Variants in CCDC73 observed in about 807,000 individuals in gnomAD.
CCDC73 encodes coiled-coil domain containing 73, also known as coiled-coil domain-containing protein 73.
A neutral mutation model predicts 116.5 loss-of-function variants in CCDC73; 95 were observed. That is an observed-to-expected ratio of 0.82 (90% CI 0.69 to 0.97). The LOEUF (loss-of-function observed/expected upper bound fraction) is 0.97. CCDC73 is among the 50% of genes least tolerant of loss of function. The pLI is 0.00. For missense variants in CCDC73, 1,066 were observed against 1,206.8 expected (o/e 0.88, Z 1.73); for synonymous variants, 398 against 401.3 (o/e 0.99, Z 0.10).
chr11:32,621,805 C>T (rs1455695149), intron 14 of CCDC73, among the ~76,000 whole-genome samples: 3 of 149,960 alleles, frequency 2.0e-5, no homozygotes, highest in South Asian at 2.3e-4. Context: ...GGAACTTAAA[C>T]AAATTTACAA....
At chr11:32,667,793 C>T (rs1856000345) in intron 9 of CCDC73, among the ~76,000 whole-genome samples, 1 of 152,170 alleles carries the variant, frequency 6.6e-6, no homozygotes, top group African/African-American at 2.4e-5. Flanking sequence ...CCTATTCAGC[C>T]ATCTTGGAAC....
At chr11:32,786,383 A>T (rs1461705060) in intron 1 of CCDC73, among the ~76,000 whole-genome samples, 1 of 58,874 alleles carries the variant, frequency 1.7e-5, no homozygotes, top group Non-Finnish European at 3.7e-5. Flanking sequence ...TAAATATATT[A>T]TTTATATAAT....
chr11:32,675,706 A>G, intron 8 of CCDC73, 62 bp from the exon 9 acceptor site: 1 of 1,373,884 alleles, frequency 7.3e-7, no homozygotes, highest in Admixed American at 2.2e-5. Context: ...AGAAAGTATC[A>G]TTAAGATAAA....
chr11:32,618,609 G>A (rs528908447), intron 14 of CCDC73, among the ~76,000 whole-genome samples: 2 of 152,164 alleles, frequency 1.3e-5, no homozygotes, highest in Non-Finnish European at 2.9e-5. Context: ...CTGGAGTGCA[G>A]TGATGCAATC....
At chr11:32,682,128 A>G (rs1856151166) in intron 7 of CCDC73, 1 of 151,728 alleles carries the variant, frequency 6.6e-6, no homozygotes, top group African/African-American at 2.4e-5. Context: ...TTTTTTAAAG[A>G]TTGTAAGTAT....
At chr11:32,703,149 CA>C (rs1023578819) in intron 3 of CCDC73, among the ~76,000 whole-genome samples, 2 of 152,080 alleles carry the variant, frequency 1.3e-5, no homozygotes, top group Non-Finnish European at 2.9e-5. Context: ...TGCAGTGGCA[CA>C]ATCACAGCAC....
chr11:32,633,257 C>T (rs1855648166), intron 14 of CCDC73, among the ~76,000 whole-genome samples: 2 of 151,736 alleles, frequency 1.3e-5, no homozygotes, highest in Non-Finnish European at 2.9e-5. Flanking sequence ...CTCAAATGAT[C>T]AAGACAAACA....
chr11:32,798,892 C>T (rs1267849031), upstream of CCDC73, among the ~76,000 whole-genome samples: 2 of 137,906 alleles, frequency 1.5e-5, no homozygotes, highest in African/African-American at 5.4e-5. Flanking sequence ...TTGGTTTTTG[C>T]GTTTTTGTTT....
rs761769898 is a variant in CCDC73 at position 32,613,792 on chromosome 11, A to G, written c.2526T>C (p.Asn842=). 2.5e-6 allele frequency: 4 copies of G among 1,613,792 alleles called. No individual in the cohort carries two copies. The highest frequency in any genetic ancestry group is 3.4e-6 in the Non-Finnish European group (4 of 1,179,930). Residue 842 remains asparagine, a synonymous_variant, in exon 16 of 18, where the codon AAT becomes AAC. Transcript: ENST00000335185. ...CATTTAATGATTCTGTTTTCTCTGT[A>G]TTATTTAACAATGTATGCTGTCTTT... ...INERQHTLLN[N]TEKTESLNDI...
At chr11:32,732,662 C>A (rs1455354746) in intron 2 of CCDC73, among the ~76,000 whole-genome samples, 1 of 152,082 alleles carries the variant, frequency 6.6e-6, no homozygotes, top group Non-Finnish European at 1.5e-5. Context: ...CATATCCAGC[C>A]AAACTAAACT....
chr11:32,767,267 T>C (rs988537652), intron 1 of CCDC73, among the ~76,000 whole-genome samples: 25 of 152,168 alleles, frequency 1.6e-4, no homozygotes, highest in Admixed American at 7.9e-4. Context: ...TGGCTAGCCA[T>C]ATGTAGAAAA....
intron 2 of CCDC73, among the ~76,000 whole-genome samples, chr11:32,733,211 A>G (rs1173621881): frequency 6.6e-6 from 1 of 152,256 alleles, no homozygotes; most frequent in Non-Finnish European, 1.5e-5. Context: ...TTCAACAAGA[A>G]GAGCTAACTA....
In CCDC73 at chr11:32,637,022, T is replaced by TTC. The variant is rs1024815066; in HGVS notation, c.1051-1193_1051-1192insGA. Among the ~76,000 whole-genome samples the TTC allele has an allele frequency of 4.3e-5, 6 of 139,330 alleles. No individual in the cohort carries two copies. The East Asian group carries it at 5.9e-4, about 14-fold the overall frequency. The allele number at this position is 139,330 out of a possible 152,430, so 91.4% of individuals were successfully genotyped here. A position where few individuals can be genotyped will look rare whatever the true frequency, so the allele number is the denominator to read the frequency against. On this transcript the variant is annotated intron_variant, in intron 13 of 17. Transcript: ENST00000335185. ...CTGTTTCACTTTTTCTTTTTCTTTT[T>TTC]TTTTTTTTTTTTTTTGAGAAGGAGT...
At chr11:32,656,538 T>C (rs1458768115) in intron 9 of CCDC73, among the ~76,000 whole-genome samples, 2 of 152,272 alleles carry the variant, frequency 1.3e-5, no homozygotes, top group East Asian at 1.9e-4. Context: ...AATCCATCTG[T>C]TGGTAGATAG....
chr11:32,711,887 G>A (rs896536514), intron 3 of CCDC73, among the ~76,000 whole-genome samples: 1 of 152,154 alleles, frequency 6.6e-6, no homozygotes. Context: ...CACCATGGGA[G>A]TCATCAGGGT....
In CCDC73 at chr11:32,635,715, T is replaced by G; in HGVS notation, c.1166A>C (p.Glu389Ala). The change falls in exon 14 of 18, where the codon GAG (glutamate) becomes GCG (alanine). Residue 389 changes from glutamate (E) to alanine (A), a missense_variant. By Grantham distance (107) the Glu-to-Ala change is moderately radical (BLOSUM62 -1). Coordinates refer to ENST00000335185, the MANE Select transcript of CCDC73 (RefSeq NM_001008391.4). ...YNKLCNQKTF[E>A]EDKKFQNVPE... ...TTTTACCTGAAACTTTTTGTCTTCC[T>G]CAAATGTTTTTTGATTGCATAATTT... 1 of 1,312,650 alleles carries G rather than the reference T, an allele frequency of 7.6e-7. No individual in the cohort carries two copies. Among genetic ancestry groups the G allele is most frequent in the Non-Finnish European group, 9.9e-7 (1 of 1,014,554 alleles). 81.3% of individuals were successfully genotyped at this position (1,312,650 alleles called of 1,614,324 possible). A position where few individuals can be genotyped will look rare whatever the true frequency, so the allele number is the denominator to read the frequency against.
intron 14 of CCDC73, among the ~76,000 whole-genome samples, chr11:32,630,883 A>G (rs1855625704): frequency 6.6e-6 from 1 of 152,216 alleles, no homozygotes; most frequent in African/African-American, 2.4e-5. Context: ...AAGATGAAAA[A>G]GATATATAAT....
chr11:32,712,354 C>T, intron 3 of CCDC73, among the ~76,000 whole-genome samples: 1 of 151,986 alleles, frequency 6.6e-6, no homozygotes, highest in East Asian at 1.9e-4. Context: ...ATCTACTGCA[C>T]AGCATGTAGT....
chr11:32,712,949 T>C (rs11031946), intron 3 of CCDC73, among the ~76,000 whole-genome samples: 1,574 of 152,194 alleles, frequency 0.01, 26 homozygotes, highest in African/African-American at 0.036. Context: ...AATAACTTCC[T>C]ATATAAAGTA....
Sources: allele counts gnomAD v4.1 joint callset (sites outside exome capture counted in the v4.1 genomes callset), GRCh38; gene constraint gnomAD v4.1.1; transcripts MANE v1.5; gene names NCBI Gene and HGNC (gene_info 2026-07-23, HGNC 2026-07-21).